The following CDS1 variants were observed in gnomAD, a reference collection of about 807,000 sequenced individuals.
CDS1 encodes phosphatidate cytidylyltransferase 1.
Under a neutral mutation model 62.1 loss-of-function variants are expected in CDS1, and 41 were observed. That is an observed-to-expected ratio of 0.66 (90% CI 0.51 to 0.86). The LOEUF is 0.86. CDS1 is among the 40% of genes least tolerant of loss of function. CDS1 has a pLI of 0.00. For missense variants in CDS1, 470 were observed against 550.1 expected (o/e 0.85, Z 1.46); for synonymous variants, 185 against 192.6 (o/e 0.96, Z 0.32).
At chr4:84,602,227 T>A (rs950240526) in intron 1 of CDS1, among the ~76,000 whole-genome samples, 2 of 152,186 alleles carry the variant, frequency 1.3e-5, no homozygotes, top group African/African-American at 4.8e-5. Context: ...AATGAAAGAC[T>A]CCTGGTGCAA....
intron 5 of CDS1, among the ~76,000 whole-genome samples, chr4:84,620,324 G>C (rs1455638218): frequency 7.0e-6 from 1 of 142,306 alleles, no homozygotes; most frequent in Non-Finnish European, 1.5e-5. Flanking sequence ...CCAGGTCCAC[G>C]CCATACTCCT....
intron 5 of CDS1, among the ~76,000 whole-genome samples, chr4:84,623,827 C>T (rs923053531): frequency 6.6e-6 from 1 of 152,016 alleles, no homozygotes; most frequent in Non-Finnish European, 1.5e-5. Flanking sequence ...GTGGGCTGGA[C>T]ATCAAAGATG....
At chr4:84,630,786 T>C (rs1051951098) in intron 5 of CDS1, among the ~76,000 whole-genome samples, 1 of 151,820 alleles carries the variant, frequency 6.6e-6, no homozygotes, top group Non-Finnish European at 1.5e-5. Flanking sequence ...GGCTGAGCCA[T>C]AGAGCGACAC....
intron 3 of CDS1, among the ~76,000 whole-genome samples, chr4:84,616,736 C>T (rs1371925049): frequency 1.3e-5 from 2 of 152,172 alleles, no homozygotes; most frequent in African/African-American, 4.8e-5. Flanking sequence ...CTCTTTGAGT[C>T]TTGGAATCGA....
intron 3 of CDS1, among the ~76,000 whole-genome samples, chr4:84,610,434 T>G (rs1053497486): frequency 3.3e-5 from 5 of 152,126 alleles, no homozygotes; most frequent in African/African-American, 1.2e-4. Flanking sequence ...TGGATTTTGG[T>G]GTGTGTGGGA....
chr4:84,596,059 C>T (rs532385355), intron 1 of CDS1, among the ~76,000 whole-genome samples: 11 of 152,218 alleles, frequency 7.2e-5, no homozygotes, highest in African/African-American at 2.4e-4. Context: ...GAAGACTTGG[C>T]CCGATTCCAT....
intron 11 of CDS1, among the ~76,000 whole-genome samples, chr4:84,643,357 T>C (rs184524557): frequency 2.6e-5 from 4 of 152,354 alleles, no homozygotes; most frequent in South Asian, 4.1e-4. Flanking sequence ...TTAAGTGTCA[T>C]GTCAGCTTCC....
rs1452692572 is a variant in CDS1, at chr4:84,583,195, G to C, written c.-207G>C. On this transcript the variant is annotated 5_prime_UTR_variant, in exon 1 of 13. Transcript: ENST00000295887. ...TCCGCCGGAGCCGCGCTCGCTGCAG[G>C]CGGCCTCGAGCGCTCTCTCGTTGAT... 1 of 486,956 alleles carries C rather than the reference G, an allele frequency of 2.1e-6. No individual in the cohort carries two copies. The highest frequency in any genetic ancestry group is 3.6e-6 in the Non-Finnish European group (1 of 276,654). 30.2% of individuals were successfully genotyped at this position (486,956 alleles called of 1,614,324 possible).
intron 12 of CDS1, among the ~76,000 whole-genome samples, chr4:84,645,839 AG>A (rs1724541821): frequency 6.6e-6 from 1 of 152,252 alleles, no homozygotes; most frequent in Admixed American, 6.5e-5. Context: ...ATAGTTTGTT[AG>A]ATGGTTGTAA....
At chr4:84,594,828 C>T (rs543709074) in intron 1 of CDS1, among the ~76,000 whole-genome samples, 5 of 152,104 alleles carry the variant, frequency 3.3e-5, no homozygotes, top group African/African-American at 1.2e-4. Context: ...GTGATCCTCC[C>T]ACCTCAGCCT....
intron 10 of CDS1, 106 bp downstream of exon 10, chr4:84,641,096 G>GA (rs1482463802): frequency 2.6e-6 from 2 of 755,314 alleles, no homozygotes; most frequent in Non-Finnish European, 3.6e-6. Flanking sequence ...GTTGTTTTGA[G>GA]ACAGAGTTTC....
Position 84,636,295 on chromosome 4 carries a change from A to G in CDS1, c.810+944A>G, listed in dbSNP as rs149438978. Among the ~76,000 whole-genome samples, 36 of 152,308 alleles carry G rather than the reference A, an allele frequency of 2.4e-4. No individual in the cohort carries two copies. The East Asian group carries it at 6.4e-3, about 27-fold the overall frequency. On this transcript the variant is annotated intron_variant, in intron 8 of 12. Coordinates refer to ENST00000295887, the MANE Select transcript of CDS1 (RefSeq NM_001263.4). The stretch of plus-strand genomic sequence containing the variant: ...CAAAAGAAGATTTTGGGGCCCTACA[A>G]TAAAATACTAATAAAATACAAGTAA...
At chr4:84,595,921 G>C (rs1210158743) in intron 1 of CDS1, among the ~76,000 whole-genome samples, 1 of 152,186 alleles carries the variant, frequency 6.6e-6, no homozygotes, top group East Asian at 1.9e-4. Flanking sequence ...AGATATCACT[G>C]GAGAAAGATC....
intron 12 of CDS1, among the ~76,000 whole-genome samples, chr4:84,647,759 C>T (rs1377216052): frequency 6.6e-6 from 1 of 152,180 alleles, no homozygotes; most frequent in Non-Finnish European, 1.5e-5. Flanking sequence ...AGTTCCTCTG[C>T]TCATCCTCAT....
chr4:84,592,258 C>T (rs544295484), intron 1 of CDS1, among the ~76,000 whole-genome samples: 1 of 150,840 alleles, frequency 6.6e-6, no homozygotes, highest in South Asian at 2.1e-4. Context: ...TCGCCTCCCC[C>T]GCTCCCCGTT....
At chr4:84,644,149 G>A (rs931805495) in intron 11 of CDS1, among the ~76,000 whole-genome samples, 2 of 152,130 alleles carry the variant, frequency 1.3e-5, no homozygotes, top group African/African-American at 2.4e-5. Context: ...TGAACTCAGC[G>A]AGCATTTGCC....
intron 1 of CDS1, among the ~76,000 whole-genome samples, chr4:84,585,609 G>T (rs1052932354): frequency 1.3e-5 from 2 of 152,216 alleles, no homozygotes; most frequent in Non-Finnish European, 2.9e-5. Context: ...ATTAGTGAAA[G>T]AAGTGAAGGA....
intron 8 of CDS1, among the ~76,000 whole-genome samples, chr4:84,635,625 G>GCTTT (rs1724169964): frequency 5.4e-4 from 29 of 53,534 alleles, no homozygotes; most frequent in African/African-American, 1.7e-3. Context: ...CTGCCTGCCT[G>GCTTT]CCTTCCTTCC....
intron 4 of CDS1, among the ~76,000 whole-genome samples, chr4:84,619,022 TACAC>T (rs1472322700): frequency 7.0e-6 from 1 of 142,826 alleles, no homozygotes; most frequent in South Asian, 2.3e-4. Context: ...ACATTATACA[TACAC>T]ACAAAGTATT....
Sources: allele counts gnomAD v4.1 joint callset (sites outside exome capture counted in the v4.1 genomes callset), GRCh38; gene constraint gnomAD v4.1.1; transcripts MANE v1.5; gene names NCBI Gene and HGNC (gene_info 2026-07-23, HGNC 2026-07-21).